Variants in EXT2 observed in about 807,000 individuals in gnomAD.
EXT2 encodes exostosin-2.
In EXT2, 53 loss-of-function variants were observed where a neutral mutation model predicts 81.6. The observed-to-expected ratio is 0.65, with a 90% CI of 0.52 to 0.82. The LOEUF is 0.82. Among genes scored for constraint, EXT2 ranks in the 40% least tolerant of loss-of-function variants. The probability of loss-of-function intolerance (pLI) is 0.00; values close to 1 mark genes in which losing one functional copy is unlikely to be tolerated. For missense variants in EXT2, 774 were observed against 910.2 expected, an observed-to-expected ratio of 0.85 and a Z score of 1.93; for synonymous variants, 320 against 340.0, an observed-to-expected ratio of 0.94 and a Z score of 0.65.
chr11:44,104,209 C>T (rs1954023494), intron 1 of EXT2, among the ~76,000 whole-genome samples: 1 of 151,776 alleles, frequency 6.6e-6, no homozygotes, highest in Non-Finnish European at 1.5e-5. Context: ...TAGGTTATGG[C>T]CAGAATTTTT....
chr11:44,165,959 A>C (rs919563625), intron 7 of EXT2, among the ~76,000 whole-genome samples: 1 of 152,222 alleles, frequency 6.6e-6, no homozygotes, highest in African/African-American at 2.4e-5. Flanking sequence ...TTTGTATCTT[A>C]GTTTCCTCAT....
intron 12 of EXT2, among the ~76,000 whole-genome samples, chr11:44,236,045 A>G (rs1590669454): frequency 6.6e-6 from 1 of 152,230 alleles, no homozygotes; most frequent in African/African-American, 2.4e-5. Flanking sequence ...GGAGCTTGTC[A>G]TCACCACTTC....
chr11:44,136,151 G>A (rs1213440362), intron 7 of EXT2, among the ~76,000 whole-genome samples: 1 of 152,184 alleles, frequency 6.6e-6, no homozygotes, highest in African/African-American at 2.4e-5. Flanking sequence ...AACCCAGACT[G>A]ATGTACTGAG....
Position 44,237,606 on chromosome 11 carries a change from T to C in EXT2, c.2018+1231T>C, listed in dbSNP as rs553134034. Among the ~76,000 whole-genome samples, 5 of 152,212 alleles carry C rather than the reference T, an allele frequency of 3.3e-5. No homozygotes were observed. The East Asian group carries it at 7.7e-4, about 24-fold the overall frequency. On this transcript the variant is annotated intron_variant, in intron 13 of 13. Coordinates refer to ENST00000533608, the MANE Select transcript of EXT2 (RefSeq NM_207122.2). ...TTGGGGAAAATTCATAACAGTAAGC[T>C]AAGTGGTCATTAATAGGGCTGAGTT...
chr11:44,180,250 G>C (rs1373527550), intron 8 of EXT2, among the ~76,000 whole-genome samples: 1 of 152,014 alleles, frequency 6.6e-6, no homozygotes, highest in African/African-American at 2.4e-5. Flanking sequence ...TTTTTCTCCT[G>C]TTGTTTCTAC....
At position 44,191,886 on chromosome 11, in the gene EXT2, C is replaced by T. The variant is rs151130145; in HGVS notation, c.1306-5943C>T. ...GCTTGAGGAAGGGAAAAGCAATTGA[C>T]ACAGAAGCTTAGTTGTAGATCAGCA... On this transcript the variant is annotated intron_variant, in intron 8 of 13. Transcript: ENST00000533608. 5.6e-4 allele frequency among the ~76,000 whole-genome samples: 85 copies of T among 152,258 alleles called. 1 individual carries two copies. The highest frequency in any genetic ancestry group is 1.9e-4 in the East Asian group (1 of 5,188).
chr11:44,160,841 C>T (rs900647220), intron 7 of EXT2, among the ~76,000 whole-genome samples: 1 of 152,128 alleles, frequency 6.6e-6, no homozygotes, highest in African/African-American at 2.4e-5. Context: ...ATTTACTGAA[C>T]TTGCTTATTA....
intron 10 of EXT2, among the ~76,000 whole-genome samples, chr11:44,208,803 G>T (rs1955613721): frequency 6.6e-6 from 1 of 152,166 alleles, no homozygotes; most frequent in Non-Finnish European, 1.5e-5. Context: ...GCTAATAAGT[G>T]GAAGAATTGG....
At chr11:44,226,175 A>G (rs1590662035) in intron 10 of EXT2, among the ~76,000 whole-genome samples, 1 of 152,178 alleles carries the variant, frequency 6.6e-6, no homozygotes, top group African/African-American at 2.4e-5. Flanking sequence ...GTACCAAGGT[A>G]CCAACCTCTA....
chr11:44,193,739 G>A (rs951796717), intron 8 of EXT2, among the ~76,000 whole-genome samples: 6 of 152,090 alleles, frequency 3.9e-5, no homozygotes, highest in Admixed American at 6.5e-5. Context: ...TTTAAGGGAC[G>A]GTATTGGCAA....
intron 1 of EXT2, among the ~76,000 whole-genome samples, chr11:44,104,416 A>T (rs1358859708): frequency 6.6e-6 from 1 of 151,482 alleles, no homozygotes; most frequent in Non-Finnish European, 1.5e-5. Flanking sequence ...ATTTTAGTTT[A>T]AAAAAAGTTT....
rs555470728 is a variant in EXT2, at chr11:44,246,739, A to G, written c.*2452A>G. Among the ~76,000 whole-genome samples, 2 of 152,238 alleles carry G rather than the reference A, an allele frequency of 1.3e-5. No homozygotes were observed. The highest frequency in any genetic ancestry group is 2.9e-5 in the Non-Finnish European group (2 of 68,044). Reference sequence around the variant, plus strand: ...GCGATTCATGGATTCAGAGTGGGCTAGGGACTCCACTTTATTGTTCGTGTA... The same window carrying G: ...GCGATTCATGGATTCAGAGTGGGCTGGGGACTCCACTTTATTGTTCGTGTA... On this transcript the variant is annotated 3_prime_UTR_variant, in exon 14 of 14. Transcript: ENST00000533608.
chr11:44,115,291 G>A (rs147936306), intron 4 of EXT2, among the ~76,000 whole-genome samples: 96 of 152,308 alleles, frequency 6.3e-4, no homozygotes, highest in Admixed American at 1.8e-3. Context: ...TTGGGCTCAA[G>A]TGACCCTCCT....
Position 44,126,859 on chromosome 11 carries a change from A to G in EXT2, c.983A>G (p.Gln328Arg). 6.2e-7 allele frequency: 1 copy of G among 1,614,214 alleles called. No individual in the cohort carries two copies. The highest frequency in any genetic ancestry group is 8.5e-7 in the Non-Finnish European group (1 of 1,180,040). ...GTTCTTCGTGGAGCTCGGCTGGGCC[A>G]GGCAGTATTGAGCGATGTGTTACAA... Reference protein sequence around the residue: ...CVVLRGARLGQAVLSDVLQAG... With the variant: ...CVVLRGARLGRAVLSDVLQAG... Residue 328 changes from glutamine to arginine, a missense_variant, in exon 6 of 14, where the codon CAG becomes CGG. By Grantham distance (43) the Gln-to-Arg change is conservative. Around this residue, in one of 2 missense-constraint regions of EXT2, gnomAD observed 626 missense variants for 670.5 expected, o/e 0.93. Transcript: ENST00000533608.
chr11:44,216,451 G>C (rs887263062), intron 10 of EXT2, among the ~76,000 whole-genome samples: 2 of 152,146 alleles, frequency 1.3e-5, no homozygotes, highest in African/African-American at 4.8e-5. Flanking sequence ...ATATTTGCAG[G>C]TGATAGCCAA....
chr11:44,195,262 C>T (rs926053158), intron 8 of EXT2, among the ~76,000 whole-genome samples: 29 of 151,926 alleles, frequency 1.9e-4, no homozygotes, highest in Admixed American at 1.6e-3. Flanking sequence ...TGGAGAAACC[C>T]GGTCTCTACT....
rs1407253393 is a variant in EXT2, at chr11:44,109,640, A to G, written c.626+357A>G. ...CTTACTGAGAGAAGGTAGCGTGGATATGTAAAAGCGATACCCAAAGCCTAT... is the reference window on the plus strand; with the variant it reads ...CTTACTGAGAGAAGGTAGCGTGGATGTGTAAAAGCGATACCCAAAGCCTAT... On this transcript the variant is annotated intron_variant, in intron 3 of 13. Transcript: ENST00000533608. Among the ~76,000 whole-genome samples, 3 of 152,172 alleles carry G rather than the reference A, an allele frequency of 2.0e-5. No individual in the cohort carries two copies. The East Asian group carries it at 5.8e-4, about 29-fold the overall frequency.
rs577760774 is a variant in EXT2 at position 44,096,670 on chromosome 11, T to C, written c.-31+818T>C. Among the ~76,000 whole-genome samples the C allele has an allele frequency of 3.3e-5, 5 of 152,322 alleles. No individual in the cohort carries two copies. The South Asian group carries it at 1.0e-3, about 32-fold the overall frequency. ...AAGCACACTGGCTCTGGGCTTCAAC[T>C]TGAAGTCCAGAGGTGTTTGGGGCTT... On this transcript the variant is annotated intron_variant, in intron 1 of 13. Coordinates refer to ENST00000533608, the MANE Select transcript of EXT2 (RefSeq NM_207122.2).
In EXT2 at chr11:44,106,425, T is replaced by C. The variant is rs191101718; in HGVS notation, c.-30-1258T>C. 3.2e-3 allele frequency among the ~76,000 whole-genome samples: 495 copies of C among 152,338 alleles called. 2 individuals carry two copies. Among genetic ancestry groups the C allele is most frequent in the South Asian group, 0.021 (102 of 4,830 alleles). On this transcript the variant is annotated intron_variant, in intron 1 of 13. Coordinates refer to ENST00000533608, the MANE Select transcript of EXT2 (RefSeq NM_207122.2). ...TTATAAATCATCACTATATGTTTTATTTGAAGATGAAAGATTAATTTTTTT... is the reference window on the plus strand; with the variant it reads ...TTATAAATCATCACTATATGTTTTACTTGAAGATGAAAGATTAATTTTTTT...
Sources: gnomAD v4.1 joint callset for allele counts (sites outside exome capture counted in the v4.1 genomes callset) on GRCh38, gnomAD v4.1.1 for gene constraint, gnomAD v4.1.1 regional missense constraint, MANE v1.5 for transcripts, NCBI Gene and HGNC (gene_info 2026-07-23, HGNC 2026-07-21) for gene names.